ZNF141: variants seen among roughly 807,000 people sequenced by gnomAD.
ZNF141 encodes zinc finger protein 141.
Under a neutral mutation model 11.3 loss-of-function variants are expected in ZNF141, and 7 were observed. The ratio of observed to expected loss-of-function variants is 0.62; its 90% confidence interval spans 0.35 to 1.16. ZNF141 has a LOEUF of 1.16. Ranked by LOEUF, ZNF141 falls within the 50% of genes most tolerant of loss-of-function variation. The pLI, the probability that ZNF141 is intolerant of heterozygous loss-of-function variation, is 0.02. For synonymous variants in ZNF141, 183 were observed against 190.7 expected (o/e 0.96, Z 0.33); for missense variants, 535 against 554.0 (o/e 0.97, Z 0.34).
intron 3 of ZNF141, among the ~76,000 whole-genome samples, chr4:354,570 G>A (rs1215136954): frequency 6.6e-6 from 1 of 151,604 alleles, no homozygotes; most frequent in Non-Finnish European, 1.5e-5. Context: ...ATTTGTTTCT[G>A]GTCTGATTTT....
intron 3 of ZNF141, among the ~76,000 whole-genome samples, chr4:353,945 G>A (rs923753224): frequency 1.2e-4 from 18 of 152,176 alleles, no homozygotes; most frequent in Non-Finnish European, 5.9e-5. Context: ...TGGTATGGCC[G>A]TGCTTCTCTC....
chr4:359,091 A>G (rs534123828), intron 3 of ZNF141, among the ~76,000 whole-genome samples: 11 of 152,192 alleles, frequency 7.2e-5, no homozygotes, highest in African/African-American at 2.4e-4. Context: ...TAGGGAGGTA[A>G]ATATCTTCTA....
Position 380,878 on chromosome 4 carries a change from A to G in ZNF141, c.*7016A>G, listed in dbSNP as rs1314445294. Among the ~76,000 whole-genome samples, 1 of 152,162 alleles carries G rather than the reference A, an allele frequency of 6.6e-6. No homozygotes were observed. Among genetic ancestry groups the G allele is most frequent in the Non-Finnish European group, 1.5e-5 (1 of 68,030 alleles). ...ATAAAAATTTAACAAAAATTGTTAA[A>G]TGTTGTCATATATGTGTGTGCAAAA... On this transcript the variant is annotated 3_prime_UTR_variant, in exon 4 of 4. Coordinates refer to ENST00000240499, the MANE Select transcript of ZNF141 (RefSeq NM_003441.4).
intron 3 of ZNF141, among the ~76,000 whole-genome samples, chr4:356,154 C>T (rs1581602085): frequency 6.6e-6 from 1 of 150,776 alleles, no homozygotes; most frequent in East Asian, 2.0e-4. Flanking sequence ...TCTCTTGAAC[C>T]TGGGAGGCAG....
At chr4:347,605 C>T (rs531639332) in intron 3 of ZNF141, among the ~76,000 whole-genome samples, 17 of 152,122 alleles carry the variant, frequency 1.1e-4, no homozygotes, top group African/African-American at 3.4e-4. Context: ...TCCCAAAGTG[C>T]TGGGATTACA....
chr4:382,140 G>A lies in ZNF141; in HGVS notation c.*8278G>A, dbSNP rs1712653563. Among the ~76,000 whole-genome samples, 1 of 151,714 alleles carries A rather than the reference G, an allele frequency of 6.6e-6. No individual in the cohort carries two copies. Among genetic ancestry groups the A allele is most frequent in the Non-Finnish European group, 1.5e-5 (1 of 67,972 alleles). ...TTTTTGTATTTTTAGTAGAGACGGG[G>A]TTTCACCATGTTAGCCAACAAGGTC... On this transcript the variant is annotated 3_prime_UTR_variant, in exon 4 of 4. Coordinates refer to ENST00000240499, the MANE Select transcript of ZNF141 (RefSeq NM_003441.4).
At chr4:342,983 C>A in intron 1 of ZNF141, 1 of 1,328,364 alleles carries the variant, frequency 7.5e-7, no homozygotes, top group Non-Finnish European at 1.1e-6. Context: ...AAAATCAGTT[C>A]CTTGCGTGGT....
intron 3 of ZNF141, among the ~76,000 whole-genome samples, chr4:359,031 T>G (rs567102847): frequency 6.6e-6 from 1 of 152,360 alleles, no homozygotes; most frequent in East Asian, 1.9e-4. Flanking sequence ...TGTTTTGATG[T>G]TCTTGCATCT....
chr4:371,612 T>C (rs900732777), intron 3 of ZNF141, among the ~76,000 whole-genome samples: 3 of 151,514 alleles, frequency 2.0e-5, no homozygotes, highest in East Asian at 1.9e-4. Flanking sequence ...TGATCTCGGC[T>C]CACTGCAAGC....
At position 382,947 on chromosome 4, in the gene ZNF141, C is replaced by G. The variant is rs1712731861; in HGVS notation, c.*9085C>G. 2.0e-6 allele frequency: 1 copy of G among 495,952 alleles called. No homozygotes were observed. Among genetic ancestry groups the G allele is most frequent in the African/African-American group, 2.0e-5 (1 of 50,868 alleles). The allele number at this position is 495,952 out of a possible 1,614,324, so 30.7% of individuals were successfully genotyped here. On this transcript the variant is annotated 3_prime_UTR_variant, in exon 4 of 4. Coordinates refer to ENST00000240499, the MANE Select transcript of ZNF141 (RefSeq NM_003441.4). ...AAAAATTTCTTATTGTATTCATGTC[C>G]TTGGAAATGGCTTTTATAGTCGTTC...
At chr4:340,755 A>G (rs1721007520) in intron 1 of ZNF141, among the ~76,000 whole-genome samples, 1 of 152,236 alleles carries the variant, frequency 6.6e-6, no homozygotes, top group Admixed American at 6.5e-5. Flanking sequence ...TGCTATTGCC[A>G]CAAGTGGATA....
chr4:374,160 C>T lies in ZNF141; in HGVS notation c.*298C>T, dbSNP rs1712243860. ...AGAGTGTAACAAAACCTTTAAACAGCCCTCACCGGTGAATAAACATAAGAA... is the reference window on the plus strand; with the variant it reads ...AGAGTGTAACAAAACCTTTAAACAGTCCTCACCGGTGAATAAACATAAGAA... On this transcript the variant is annotated 3_prime_UTR_variant, in exon 4 of 4. Transcript: ENST00000240499. The T allele has an allele frequency of 1.0e-5, 4 of 398,752 alleles. No homozygotes were observed. In the East Asian group the frequency reaches 1.4e-4, roughly 14 times the overall value. The allele number at this position is 398,752 out of a possible 1,614,324, so 24.7% of individuals were successfully genotyped here.
intron 1 of ZNF141, among the ~76,000 whole-genome samples, chr4:341,660 C>T (rs1169982854): frequency 6.6e-6 from 1 of 151,398 alleles, no homozygotes; most frequent in Non-Finnish European, 1.5e-5. Flanking sequence ...GCCTAGGGCC[C>T]ACTTTCTGTC....
intron 3 of ZNF141, chr4:350,177 G>A (rs1721526545): frequency 1.9e-6 from 1 of 534,784 alleles, no homozygotes; most frequent in Non-Finnish European, 3.8e-6. Context: ...ACCAAGCTCA[G>A]TGTGCCATTT....
intron 3 of ZNF141, 48 bp from the exon 4 acceptor site, chr4:372,616 T>A (rs2108653665): frequency 2.9e-6 from 4 of 1,385,686 alleles, no homozygotes; most frequent in Non-Finnish European, 3.9e-6. Context: ...AAAGTATATT[T>A]ATATGAATCT....
At chr4:369,764 A>ATATTTTTTTTTTTTTTTTTTTTTTTTT in intron 3 of ZNF141, among the ~76,000 whole-genome samples, 1 of 48,724 alleles carries the variant, frequency 2.1e-5, no homozygotes, top group Non-Finnish European at 3.1e-5. Flanking sequence ...ATATATATAT[A>ATATTTTTTTTTTTTTTTTTTTTTTTTT]TTTTTTTTTT....
intron 3 of ZNF141, among the ~76,000 whole-genome samples, chr4:365,583 T>C (rs1222734622): frequency 2.6e-5 from 4 of 152,260 alleles, no homozygotes; most frequent in Non-Finnish European, 5.9e-5. Flanking sequence ...TTTCTTTCAT[T>C]CTGTAGATTA....
Position 383,360 on chromosome 4 carries a change from A to G in ZNF141, c.*9498A>G. 1 of 508,074 alleles carries G rather than the reference A, an allele frequency of 2.0e-6. No homozygotes were observed. Among genetic ancestry groups the G allele is most frequent in the Non-Finnish European group, 3.5e-6 (1 of 288,590 alleles). The allele number at this position is 508,074 out of a possible 1,614,324, so 31.5% of individuals were successfully genotyped here. On this transcript the variant is annotated 3_prime_UTR_variant, in exon 4 of 4. Transcript: ENST00000240499. ...GCAGTTATAAGTTAGTAATATATAC[A>G]CCCATTAAAGACAGGATCTCAGGAC...
At chr4:361,385 C>G (rs1581610600) in intron 3 of ZNF141, among the ~76,000 whole-genome samples, 1 of 132,920 alleles carries the variant, frequency 7.5e-6, no homozygotes, top group Non-Finnish European at 1.7e-5. Context: ...GAATATCTTT[C>G]TGTTTTTTTT....
Sources: allele counts gnomAD v4.1 joint callset (sites outside exome capture counted in the v4.1 genomes callset), GRCh38; gene constraint gnomAD v4.1.1; transcripts MANE v1.5; gene names NCBI Gene and HGNC (gene_info 2026-07-23, HGNC 2026-07-21).